POU6F2: variants seen among roughly 807,000 people sequenced by gnomAD.
POU6F2 encodes POU class 6 homeobox 2, also known as POU domain, class 6, transcription factor 2.
A neutral mutation model predicts 71.3 loss-of-function variants in POU6F2; 31 were observed. The observed-to-expected ratio is 0.43, with a 90% CI of 0.33 to 0.59. The LOEUF (loss-of-function observed/expected upper bound fraction) is 0.59. POU6F2 is among the 20% of genes least tolerant of loss of function. The pLI, the probability that POU6F2 is intolerant of heterozygous loss-of-function variation, is 0.04. For missense variants in POU6F2, 783 were observed against 856.8 expected, an observed-to-expected ratio of 0.91 and a Z score of 1.07; for synonymous variants, 347 against 355.7, an observed-to-expected ratio of 0.98 and a Z score of 0.27.
intron 4 of POU6F2, among the ~76,000 whole-genome samples, chr7:39,321,706 A>G (rs1385619433): frequency 6.6e-6 from 1 of 152,168 alleles, no homozygotes; most frequent in Non-Finnish European, 1.5e-5. Context: ...TATAAGTTCA[A>G]TTGTGTGCAC....
chr7:39,409,900 T>C (rs1787517567), intron 6 of POU6F2, among the ~76,000 whole-genome samples: 1 of 152,238 alleles, frequency 6.6e-6, no homozygotes, highest in Non-Finnish European at 1.5e-5. Flanking sequence ...GCTCCTTTTT[T>C]TCCCCAACCA....
chr7:39,347,676 G>GTTGTGTCACTTATTACAT (rs1476693066), intron 5 of POU6F2, among the ~76,000 whole-genome samples: 2 of 107,622 alleles, frequency 1.9e-5, no homozygotes, highest in Non-Finnish European at 4.5e-5. Flanking sequence ...CTGTCACCCA[G>GTTGTGTCACTTATTACAT]GCTGGCATAC....
At position 39,360,513 on chromosome 7, in the gene POU6F2, G is replaced by A. The variant is rs150950644; in HGVS notation, c.972+20498G>A. On this transcript the variant is annotated intron_variant, in intron 5 of 9. Coordinates refer to ENST00000518318, the MANE Select transcript of POU6F2 (RefSeq NM_001370959.1). ...CATAAACATTCTGAGGCTTTCTACC[G>A]CTACCCTGTAAAATATCACGTAGGG... is the stretch of plus-strand genomic sequence containing the variant. 3.9e-5 allele frequency among the ~76,000 whole-genome samples: 6 copies of A among 152,244 alleles called. No homozygotes were observed. In the South Asian group the frequency reaches 6.2e-4, roughly 16 times the overall value.
chr7:39,234,331 T>C (rs58473961), intron 4 of POU6F2, among the ~76,000 whole-genome samples: 22,835 of 152,064 alleles, frequency 0.15, 1,883 homozygotes, highest in African/African-American at 0.22. Context: ...TCTTACAAAG[T>C]GACAGTCCCC....
At chr7:39,419,256 T>A (rs930056482) in intron 6 of POU6F2, among the ~76,000 whole-genome samples, 1 of 151,656 alleles carries the variant, frequency 6.6e-6, no homozygotes, top group African/African-American at 2.4e-5. Flanking sequence ...GCTTGTTTTT[T>A]GGGACTGAAT....
intron 5 of POU6F2, among the ~76,000 whole-genome samples, chr7:39,385,804 A>G (rs11760438): frequency 0.13 from 19,861 of 152,018 alleles, 1,496 homozygotes; most frequent in East Asian, 0.23. Context: ...TCTCATCCAG[A>G]GCTTTGCCCA....
chr7:39,246,904 G>GTTTTTTTTTTT (rs1584623209), intron 4 of POU6F2, among the ~76,000 whole-genome samples: 1 of 85,380 alleles, frequency 1.2e-5, no homozygotes, highest in Non-Finnish European at 2.1e-5. Context: ...ATCCAGGGTG[G>GTTTTTTTTTTT]CTTTTTTTTT....
intron 8 of POU6F2, among the ~76,000 whole-genome samples, chr7:39,459,908 CTT>C (rs1380692922): frequency 6.6e-6 from 1 of 152,100 alleles, no homozygotes; most frequent in Non-Finnish European, 1.5e-5. Context: ...ATTATGTGCC[CTT>C]TCAGGGGACA....
At chr7:39,121,246 C>A (rs1792033686) in intron 2 of POU6F2, among the ~76,000 whole-genome samples, 1 of 152,210 alleles carries the variant, frequency 6.6e-6, no homozygotes, top group Non-Finnish European at 1.5e-5. Flanking sequence ...CTTAGAATCT[C>A]CGTTTCCTCA....
intron 4 of POU6F2, among the ~76,000 whole-genome samples, chr7:39,338,915 C>G (rs780476241): frequency 1.6e-4 from 25 of 152,140 alleles, no homozygotes; most frequent in Non-Finnish European, 3.7e-4. Flanking sequence ...TCCTTAGGTG[C>G]TGTCCTGTCC....
At chr7:39,307,198 A>G (rs1406171372) in intron 4 of POU6F2, among the ~76,000 whole-genome samples, 8 of 152,208 alleles carry the variant, frequency 5.3e-5, no homozygotes, top group Admixed American at 2.6e-4. Flanking sequence ...TGCTAGGTCA[A>G]TATTTAATAG....
At chr7:39,419,284 G>A (rs1334753095) in intron 6 of POU6F2, among the ~76,000 whole-genome samples, 2 of 151,732 alleles carry the variant, frequency 1.3e-5, no homozygotes, top group Non-Finnish European at 2.9e-5. Flanking sequence ...TGTCGCCCAG[G>A]TTGGAGTACA....
intron 4 of POU6F2, among the ~76,000 whole-genome samples, chr7:39,278,043 T>C (rs796956016): frequency 1.5e-5 from 2 of 135,012 alleles, no homozygotes; most frequent in Admixed American, 1.6e-4. Flanking sequence ...CACTGCACTC[T>C]AGCCTGGCGA....
At position 39,061,715 on chromosome 7, in the gene POU6F2, T is replaced by C. The variant is rs554386168; in HGVS notation, c.106-24145T>C. On this transcript the variant is annotated intron_variant, in intron 1 of 9. Coordinates refer to ENST00000518318, the MANE Select transcript of POU6F2 (RefSeq NM_001370959.1). ...AATATAAGTTTTCCAAAATTCTAATTTTTTTCTTTCTGAAAGCTTAAATTT... is the reference window on the plus strand; with the variant it reads ...AATATAAGTTTTCCAAAATTCTAATCTTTTTCTTTCTGAAAGCTTAAATTT... 6.2e-4 allele frequency among the ~76,000 whole-genome samples: 94 copies of C among 152,300 alleles called. No individual in the cohort carries two copies. The Middle Eastern group carries it at 0.01, about 17-fold the overall frequency.
chr7:39,423,668 C>A (rs1787905429), intron 6 of POU6F2, among the ~76,000 whole-genome samples: 1 of 152,154 alleles, frequency 6.6e-6, no homozygotes, highest in Non-Finnish European at 1.5e-5. Context: ...AGCTTATATA[C>A]TTAAAGCTTC....
intron 1 of POU6F2, among the ~76,000 whole-genome samples, chr7:39,016,057 TATATATA>T (rs1562671331): frequency 1.8e-4 from 7 of 37,900 alleles, no homozygotes; most frequent in East Asian, 1.1e-3. Context: ...TTATATATAT[TATATATA>T]ATATATAGAT....
At chr7:39,265,635 G>A (rs910998877) in intron 4 of POU6F2, among the ~76,000 whole-genome samples, 3 of 152,098 alleles carry the variant, frequency 2.0e-5, no homozygotes, top group African/African-American at 7.2e-5. Flanking sequence ...CCCCAACCTG[G>A]TACCGCCAGA....
At chr7:39,138,375 C>G (rs1014955720) in intron 2 of POU6F2, among the ~76,000 whole-genome samples, 1 of 152,190 alleles carries the variant, frequency 6.6e-6, no homozygotes, top group African/African-American at 2.4e-5. Flanking sequence ...AGCAACCAGG[C>G]CTCACAGCAG....
At chr7:39,237,791 T>C (rs1180862816) in intron 4 of POU6F2, among the ~76,000 whole-genome samples, 1 of 146,792 alleles carries the variant, frequency 6.8e-6, no homozygotes. Context: ...GAAAACTCAC[T>C]TTTAAACATT....
Sources: allele counts gnomAD v4.1 joint callset (sites outside exome capture counted in the v4.1 genomes callset), GRCh38; gene constraint gnomAD v4.1.1; transcripts MANE v1.5; gene names NCBI Gene and HGNC (gene_info 2026-07-23, HGNC 2026-07-21).